SCUBE1: variants seen among roughly 807,000 people sequenced by gnomAD.
SCUBE1 encodes the protein signal peptide, CUB and EGF-like domain-containing protein 1.
Under a neutral mutation model 124.4 loss-of-function variants are expected in SCUBE1, and 59 were observed. That is an observed-to-expected ratio of 0.47 (90% confidence interval 0.38 to 0.59). SCUBE1 has a LOEUF of 0.59. SCUBE1 is among the 20% of genes least tolerant of loss of function. SCUBE1 has a pLI of 0.00. For missense variants in SCUBE1, 1,150 were observed against 1,371.2 expected, an observed-to-expected ratio of 0.84 and a Z score of 2.55; for synonymous variants, 545 against 550.9, an observed-to-expected ratio of 0.99 and a Z score of 0.15.
chr22:43,317,339 C>A (rs6003153), intron 3 of SCUBE1, among the ~76,000 whole-genome samples: 12 of 152,178 alleles, frequency 7.9e-5, no homozygotes, highest in African/African-American at 1.2e-4. Flanking sequence ...AAGTGGATTA[C>A]GCAGTTATCC....
chr22:43,314,471 C>T (rs971706745), intron 3 of SCUBE1, among the ~76,000 whole-genome samples: 3 of 151,982 alleles, frequency 2.0e-5, no homozygotes, highest in African/African-American at 7.3e-5. Context: ...TCTCCTGTGG[C>T]TGCAGCAGCA....
chr22:43,250,842 C>T (rs1390506708), intron 6 of SCUBE1, among the ~76,000 whole-genome samples: 1 of 152,162 alleles, frequency 6.6e-6, no homozygotes, highest in Non-Finnish European at 1.5e-5. Flanking sequence ...TGATGTCGTG[C>T]CCACAGGAGG....
intron 6 of SCUBE1, among the ~76,000 whole-genome samples, chr22:43,245,294 G>A (rs370231201): frequency 5.9e-5 from 9 of 152,336 alleles, no homozygotes; most frequent in East Asian, 1.9e-4. Context: ...ACCCTCAGCA[G>A]AGGGCCGCGC....
intron 3 of SCUBE1, among the ~76,000 whole-genome samples, chr22:43,306,496 G>C (rs1925974747): frequency 6.6e-6 from 1 of 152,084 alleles, no homozygotes; most frequent in African/African-American, 2.4e-5. Flanking sequence ...GGTGGCACCA[G>C]GCACAGTGAC....
At chr22:43,215,785 C>G (rs942183873) in intron 15 of SCUBE1, among the ~76,000 whole-genome samples, 1 of 152,146 alleles carries the variant, frequency 6.6e-6, no homozygotes, top group African/African-American at 2.4e-5. Context: ...GGTGACATGT[C>G]TTTCTGGATG....
At chr22:43,301,900 C>T (rs1379465968) in intron 3 of SCUBE1, among the ~76,000 whole-genome samples, 2 of 152,246 alleles carry the variant, frequency 1.3e-5, no homozygotes, top group Non-Finnish European at 2.9e-5. Flanking sequence ...AAGGCCGTCC[C>T]ACCAAGGATG....
chr22:43,245,992 G>C (rs1305655448), intron 6 of SCUBE1, among the ~76,000 whole-genome samples: 2 of 152,184 alleles, frequency 1.3e-5, no homozygotes, highest in Non-Finnish European at 1.5e-5. Flanking sequence ...TGCCCTGCAG[G>C]ACTGTGGCAT....
At chr22:43,328,418 G>A (rs1284126334) in intron 2 of SCUBE1, among the ~76,000 whole-genome samples, 2 of 152,120 alleles carry the variant, frequency 1.3e-5, no homozygotes, top group African/African-American at 4.8e-5. Flanking sequence ...GCCAAGGGGA[G>A]GCCCGAGACC....
At chr22:43,339,426 G>A (rs904235950) in intron 1 of SCUBE1, among the ~76,000 whole-genome samples, 191 bp from the exon 2 acceptor site, 1 of 152,054 alleles carries the variant, frequency 6.6e-6, no homozygotes, top group Non-Finnish European at 1.5e-5. Flanking sequence ...CAGCTACTCT[G>A]TGGCAGGGAC....
chr22:43,233,805 G>A (rs1922652095), intron 7 of SCUBE1, among the ~76,000 whole-genome samples: 1 of 152,158 alleles, frequency 6.6e-6, no homozygotes, highest in South Asian at 2.1e-4. Flanking sequence ...ACATCCCCCA[G>A]TGATGACAAA....
intron 3 of SCUBE1, among the ~76,000 whole-genome samples, chr22:43,296,057 A>C (rs981933400): frequency 6.6e-6 from 1 of 152,174 alleles, no homozygotes; most frequent in Non-Finnish European, 1.5e-5. Flanking sequence ...GCAACCAGGG[A>C]AAGGTGGCTG....
chr22:43,212,016 C>T (rs115702903), intron 17 of SCUBE1, among the ~76,000 whole-genome samples: 4,506 of 152,098 alleles, frequency 0.03, 89 homozygotes, highest in South Asian at 0.08. Context: ...TGAGGGAAGA[C>T]GGGATGTAGA....
chr22:43,316,245 A>G (rs1926343336), intron 3 of SCUBE1, among the ~76,000 whole-genome samples: 1 of 152,182 alleles, frequency 6.6e-6, no homozygotes, highest in Non-Finnish European at 1.5e-5. Flanking sequence ...TGGAGAGGTA[A>G]AGTGACTGGC....
intron 2 of SCUBE1, among the ~76,000 whole-genome samples, chr22:43,337,638 C>A (rs990043101): frequency 6.6e-6 from 1 of 152,204 alleles, no homozygotes; most frequent in Non-Finnish European, 1.5e-5. Context: ...GGGCCCTGAG[C>A]GTGCCAGGAA....
At chr22:43,239,977 G>T (rs544116674) in intron 6 of SCUBE1, among the ~76,000 whole-genome samples, 6 of 152,290 alleles carry the variant, frequency 3.9e-5, no homozygotes, top group South Asian at 4.1e-4. Flanking sequence ...AGGCTGGGGG[G>T]AGTCAATGAA....
chr22:43,340,093 G>C (rs1927259916), intron 1 of SCUBE1, among the ~76,000 whole-genome samples: 1 of 151,210 alleles, frequency 6.6e-6, no homozygotes, highest in Non-Finnish European at 1.5e-5. Flanking sequence ...GGCCATGCCA[G>C]GAGGCTCCTG....
At chr22:43,307,274 C>A (rs561685264) in intron 3 of SCUBE1, among the ~76,000 whole-genome samples, 1 of 152,330 alleles carries the variant, frequency 6.6e-6, no homozygotes, top group South Asian at 2.1e-4. Flanking sequence ...GACGCCTCAC[C>A]TGAGTGAGCC....
At chr22:43,333,583 G>C (rs1926969255) in intron 2 of SCUBE1, among the ~76,000 whole-genome samples, 1 of 152,178 alleles carries the variant, frequency 6.6e-6, no homozygotes, top group Non-Finnish European at 1.5e-5. Context: ...CTCACATCGG[G>C]CTTCCCACAA....
rs1313369158 is a variant in SCUBE1 at position 43,320,207 on chromosome 22, T to G, written c.221-142A>C. 3.0e-6 allele frequency: 3 copies of G among 996,300 alleles called. No individual in the cohort carries two copies. The African/African-American group carries it at 4.9e-5, about 16-fold the overall frequency. 61.7% of individuals were successfully genotyped at this position (996,300 alleles called of 1,614,324 possible). On this transcript the variant is annotated intron_variant, in intron 2 of 21. Transcript: ENST00000360835. ...TCAGTCCTCCCTGGGAGCTGAGGACTCAAGTATTATAAAAATGCTAATCAT... is the reference window on the plus strand; with the variant it reads ...TCAGTCCTCCCTGGGAGCTGAGGACGCAAGTATTATAAAAATGCTAATCAT...
Sources: gnomAD v4.1 joint callset for allele counts (sites outside exome capture counted in the v4.1 genomes callset) on GRCh38, gnomAD v4.1.1 for gene constraint, MANE v1.5 for transcripts, NCBI Gene and HGNC (gene_info 2026-07-23, HGNC 2026-07-21) for gene names.